TUT7: variants seen among roughly 807,000 people sequenced by gnomAD.
The protein encoded by TUT7 is terminal uridylyl transferase 7.
In TUT7, 33 loss-of-function variants were observed where a neutral mutation model predicts 165.9. The observed-to-expected ratio is 0.20, with a 90% confidence interval of 0.15 to 0.27. TUT7 has a LOEUF of 0.27. Ranked by LOEUF, TUT7 falls within the 10% of genes least tolerant of loss-of-function variation. The pLI is 1.00. For synonymous variants in TUT7, 552 were observed against 608.1 expected, an observed-to-expected ratio of 0.91 and a Z score of 1.36; for missense variants, 1,338 against 1,762.3, an observed-to-expected ratio of 0.76 and a Z score of 4.31.
intron 13 of TUT7, 123 bp downstream of exon 13, chr9:86,322,746 AGAAT>A (rs1829431310): frequency 8.7e-7 from 1 of 1,145,322 alleles, no homozygotes; most frequent in African/African-American, 1.6e-5. Flanking sequence ...CAGTCATATC[AGAAT>A]GAAAGGCCAA....
chr9:86,313,168 A>AT (rs58517800), intron 17 of TUT7, among the ~76,000 whole-genome samples: 11 of 151,676 alleles, frequency 7.3e-5, no homozygotes, highest in East Asian at 3.9e-4. Flanking sequence ...AAATAAATAA[A>AT]AAGAATTATC....
intron 26 of TUT7, among the ~76,000 whole-genome samples, chr9:86,296,931 A>C (rs552578157): frequency 3.5e-4 from 53 of 152,246 alleles, no homozygotes; most frequent in Non-Finnish European, 7.1e-4. Context: ...TATTTGGAAG[A>C]GTCTGATTTA....
chr9:86,313,082 C>T (rs915504910), intron 17 of TUT7, among the ~76,000 whole-genome samples: 3 of 151,552 alleles, frequency 2.0e-5, no homozygotes, highest in Admixed American at 2.0e-4. Context: ...TGTCCTGTGA[C>T]CCTGCCAAAT....
chr9:86,318,092 T>C (rs2131402100), intron 16 of TUT7, among the ~76,000 whole-genome samples: 1 of 152,238 alleles, frequency 6.6e-6, no homozygotes, highest in African/African-American at 2.4e-5. Flanking sequence ...TAAGAAAAGG[T>C]ACAAAAAGGT....
At chr9:86,313,982 C>T (rs951864798) in intron 17 of TUT7, among the ~76,000 whole-genome samples, 2 of 152,160 alleles carry the variant, frequency 1.3e-5, no homozygotes, top group Non-Finnish European at 2.9e-5. Context: ...CAAGGAAGCT[C>T]ACTTTACTGA....
intron 7 of TUT7, among the ~76,000 whole-genome samples, chr9:86,340,354 G>A (rs1294172747): frequency 6.6e-6 from 1 of 152,182 alleles, no homozygotes. Context: ...CATTGGATCA[G>A]AAAATTCAAA....
intron 25 of TUT7, among the ~76,000 whole-genome samples, 181 bp downstream of exon 25, chr9:86,302,905 G>A (rs1044261089): frequency 1.3e-5 from 2 of 152,092 alleles, no homozygotes; most frequent in Admixed American, 1.3e-4. Context: ...CACTGCACCC[G>A]GCCTAAAGTC....
At chr9:86,304,831 T>TTTTTATG (rs762893261) in intron 24 of TUT7, 25 bp downstream of exon 24, 7 of 1,506,228 alleles carry the variant, frequency 4.6e-6, no homozygotes, top group Non-Finnish European at 5.4e-6. Context: ...TATTTTTTAT[T>TTTTTATG]TTTTGGTATT....
chr9:86,306,953 T>C (rs1827558750), intron 22 of TUT7, among the ~76,000 whole-genome samples: 1 of 151,686 alleles, frequency 6.6e-6, no homozygotes, highest in Non-Finnish European at 1.5e-5. Context: ...CAAAAGATAA[T>C]AAACCTTCAA....
chr9:86,337,194 G>A, intron 10 of TUT7: 3 of 440,766 alleles, frequency 6.8e-6, no homozygotes, highest in Admixed American at 4.1e-5. Flanking sequence ...AAGAGATTTT[G>A]CAGTCTAGAA....
Position 86,338,712 on chromosome 9 carries a change from T to C in TUT7, c.1335+111A>G, listed in dbSNP as rs534220691. On this transcript the variant is annotated intron_variant, in intron 9 of 26. Coordinates refer to ENST00000375963, the MANE Select transcript of TUT7 (RefSeq NM_024617.4). ...TGCAAAATTCAGATGTCTTTCTCTT[T>C]TGATGTCTATAAATTTGCATTTAAA... 1.5e-5 allele frequency: 18 copies of C among 1,223,264 alleles called. No homozygotes were observed. The East Asian group carries it at 2.3e-4, about 15-fold the overall frequency. 75.8% of individuals were successfully genotyped at this position (1,223,264 alleles called of 1,614,324 possible).
At chr9:86,290,908 T>G (rs1825853517) in intron 26 of TUT7, among the ~76,000 whole-genome samples, 1 of 151,550 alleles carries the variant, frequency 6.6e-6, no homozygotes, top group Admixed American at 6.6e-5. Flanking sequence ...ACATACAAAC[T>G]CTGGATGGAT....
At chr9:86,312,458 A>T (rs1312939883) in intron 17 of TUT7, among the ~76,000 whole-genome samples, 2 of 148,858 alleles carry the variant, frequency 1.3e-5, no homozygotes, top group East Asian at 4.0e-4. Flanking sequence ...GAGCGTCTCC[A>T]CCCGGCAGCC....
chr9:86,353,579 G>C (rs1832485747), intron 1 of TUT7, among the ~76,000 whole-genome samples: 2 of 152,106 alleles, frequency 1.3e-5, no homozygotes, highest in African/African-American at 4.8e-5. Flanking sequence ...TCTCTTCAAA[G>C]AAAACCTCAT....
intron 5 of TUT7, among the ~76,000 whole-genome samples, chr9:86,343,976 A>C (rs1265146552): frequency 3.9e-5 from 6 of 152,340 alleles, no homozygotes; most frequent in Admixed American, 6.5e-5. Context: ...ATTCATTTTT[A>C]CATGAAATTT....
chr9:86,326,003 T>C (rs1347911916), intron 11 of TUT7, among the ~76,000 whole-genome samples: 1 of 152,216 alleles, frequency 6.6e-6, no homozygotes, highest in Non-Finnish European at 1.5e-5. Context: ...TGACAACTGA[T>C]TTTAAAGTCA....
chr9:86,332,872 T>C (rs370936462), intron 10 of TUT7, among the ~76,000 whole-genome samples: 1 of 152,336 alleles, frequency 6.6e-6, no homozygotes, highest in South Asian at 2.1e-4. Context: ...CCTACTTCTC[T>C]AGCTGACATT....
chr9:86,308,483 T>A lies in TUT7; in HGVS notation c.3784A>T (p.Ser1262Cys). Residue 1262 changes from serine (S) to cysteine (C), a missense_variant, in exon 22 of 27, where the codon AGT (serine) becomes TGT (cysteine). Transcript: ENST00000375963. ...KEHVISIRRK[S>C]LLTTFKKQWT... ...TGTTTCTTAAAAGTTGTAAGCAGAC[T>A]TTTTCTCCTGATGCTAATAACATGT... 6.2e-7 allele frequency: 1 copy of A among 1,613,934 alleles called. No individual in the cohort carries two copies. Among genetic ancestry groups the A allele is most frequent in the Non-Finnish European group, 8.5e-7 (1 of 1,179,934 alleles).
chr9:86,349,386 G>A (rs969326622), intron 2 of TUT7, among the ~76,000 whole-genome samples: 2 of 152,084 alleles, frequency 1.3e-5, no homozygotes, highest in Admixed American at 1.3e-4. Context: ...GGCATTCCAA[G>A]TTTCCCATAT....
Sources: allele counts gnomAD v4.1 joint callset (sites outside exome capture counted in the v4.1 genomes callset), GRCh38; gene constraint gnomAD v4.1.1; transcripts MANE v1.5; gene names NCBI Gene and HGNC (gene_info 2026-07-23, HGNC 2026-07-21).